The following SYT1 variants were observed in gnomAD, a reference collection of about 807,000 sequenced individuals.
The protein encoded by SYT1 is synaptotagmin-1.
Under a neutral mutation model 44.8 loss-of-function variants are expected in SYT1, and 8 were observed. The ratio of observed to expected loss-of-function variants is 0.18; its 90% CI spans 0.10 to 0.32. The LOEUF (loss-of-function observed/expected upper bound fraction) is 0.32, where lower values mean the gene tolerates loss of function less well. Among genes scored for constraint, SYT1 ranks in the 10% least tolerant of loss-of-function variants. The pLI is 1.00. For synonymous variants in SYT1, 154 were observed against 188.8 expected, an observed-to-expected ratio of 0.82 and a Z score of 1.51; for missense variants, 286 against 509.3, an observed-to-expected ratio of 0.56 and a Z score of 4.22.
intron 2 of SYT1, among the ~76,000 whole-genome samples, chr12:78,986,490 T>A (rs1869649970): frequency 6.6e-6 from 1 of 151,938 alleles, no homozygotes; most frequent in Non-Finnish European, 1.5e-5. Flanking sequence ...TGCCTTTTAT[T>A]TACACTTCAG....
chr12:79,384,127 C>T (rs1013653854), intron 9 of SYT1, among the ~76,000 whole-genome samples: 6 of 152,022 alleles, frequency 3.9e-5, no homozygotes, highest in Non-Finnish European at 7.4e-5. Flanking sequence ...GCAAATTCTC[C>T]ACATGCATCA....
At chr12:79,265,821 C>T (rs1052820734) in intron 4 of SYT1, among the ~76,000 whole-genome samples, 10 of 152,092 alleles carry the variant, frequency 6.6e-5, no homozygotes, top group Non-Finnish European at 1.0e-4. Flanking sequence ...GCAAGTGCTG[C>T]ATGCAAGAAG....
chr12:79,200,702 A>T lies in SYT1; in HGVS notation c.-17-16801A>T, dbSNP rs142087258. ...CAGTCAACACTTTCATTCAGAGAAG[A>T]AGTAACTGGGGAAAGAGATTTGCCC... is the stretch of plus-strand genomic sequence containing the variant. On this transcript the variant is annotated intron_variant, in intron 3 of 10. Transcript: ENST00000261205. Among the ~76,000 whole-genome samples, 1,219 of 152,288 alleles carry T rather than the reference A, an allele frequency of 8.0e-3. 15 individuals carry two copies. Among genetic ancestry groups the T allele is most frequent in the African/African-American group, 0.028 (1,158 of 41,558 alleles).
chr12:79,304,955 A>G (rs1298966456), intron 8 of SYT1, among the ~76,000 whole-genome samples: 1 of 152,126 alleles, frequency 6.6e-6, no homozygotes, highest in East Asian at 1.9e-4. Context: ...TTTTTACAGT[A>G]TCTTGGGTCA....
At chr12:79,277,765 G>T (rs951572629) in intron 4 of SYT1, among the ~76,000 whole-genome samples, 2 of 151,938 alleles carry the variant, frequency 1.3e-5, no homozygotes, top group Non-Finnish European at 2.9e-5. Context: ...CCTCCTTCAA[G>T]AGACCAACTT....
At chr12:79,294,216 AT>A (rs1389228845) in intron 6 of SYT1, among the ~76,000 whole-genome samples, 3 of 152,074 alleles carry the variant, frequency 2.0e-5, no homozygotes, top group African/African-American at 7.2e-5. Flanking sequence ...AAAATAAATA[AT>A]AACACTGAGA....
intron 3 of SYT1, among the ~76,000 whole-genome samples, chr12:79,078,863 T>A (rs1876841448): frequency 6.6e-6 from 1 of 152,190 alleles, no homozygotes; most frequent in Non-Finnish European, 1.5e-5. Context: ...TACATACTGT[T>A]TGCCCCTGGA....
chr12:78,952,311 T>C (rs1222232279), intron 1 of SYT1, among the ~76,000 whole-genome samples: 2 of 152,130 alleles, frequency 1.3e-5, no homozygotes, highest in Non-Finnish European at 2.9e-5. Context: ...GCAGGTGGTT[T>C]AAAAACAAAG....
chr12:79,185,898 A>T (rs1872775305), intron 3 of SYT1, among the ~76,000 whole-genome samples: 1 of 130,316 alleles, frequency 7.7e-6, no homozygotes, highest in Non-Finnish European at 1.7e-5. Flanking sequence ...TGGCCAAAAA[A>T]ATATTTAAAT....
rs532485275 is a variant in SYT1 at position 79,450,241 on chromosome 12, G to T, written c.*1117G>T. ...GCTTATTACACAAAATTACTTTGTG[G>T]TAAACAGACAGTATTGTAATCCCAT... On this transcript the variant is annotated 3_prime_UTR_variant, in exon 11 of 11. Coordinates refer to ENST00000261205, the MANE Select transcript of SYT1 (RefSeq NM_005639.3). 3 of 152,392 alleles carry T rather than the reference G, an allele frequency of 2.0e-5. No individual in the cohort carries two copies. The highest frequency in any genetic ancestry group is 4.4e-5 in the Non-Finnish European group (3 of 67,992). The allele number at this position is 152,392 out of a possible 1,614,324, so 9.4% of individuals were successfully genotyped here.
intron 1 of SYT1, among the ~76,000 whole-genome samples, chr12:78,913,483 T>C (rs1262493782): frequency 6.6e-6 from 1 of 151,758 alleles, no homozygotes; most frequent in East Asian, 1.9e-4. Flanking sequence ...TGATTTAAAA[T>C]CCATACATGC....
chr12:79,051,156 T>C (rs1874454930), intron 3 of SYT1, among the ~76,000 whole-genome samples: 1 of 151,824 alleles, frequency 6.6e-6, no homozygotes, highest in African/African-American at 2.4e-5. Flanking sequence ...AAAAAAACTC[T>C]TCTCCAAATT....
At chr12:78,942,687 G>T (rs12819812) in intron 1 of SYT1, among the ~76,000 whole-genome samples, 65 of 152,298 alleles carry the variant, frequency 4.3e-4, no homozygotes, top group Admixed American at 7.2e-4. Flanking sequence ...TAGGGTATTA[G>T]TTCAGTCTCT....
chr12:79,392,719 T>C (rs2136097357), intron 9 of SYT1: 1 of 151,906 alleles, frequency 6.6e-6, no homozygotes, highest in Non-Finnish European at 1.5e-5. Context: ...AAACTGAGTA[T>C]ATGTATTGTA....
chr12:78,959,785 G>A (rs913977105), intron 1 of SYT1, among the ~76,000 whole-genome samples: 1 of 152,106 alleles, frequency 6.6e-6, no homozygotes, highest in Non-Finnish European at 1.5e-5. Context: ...GGAGGAACTC[G>A]GTGGAAAAGT....
chr12:79,142,468 A>G (rs1869618207), intron 3 of SYT1, among the ~76,000 whole-genome samples: 1 of 152,222 alleles, frequency 6.6e-6, no homozygotes. Flanking sequence ...AAATGTGACC[A>G]TAAAAAGATG....
At chr12:79,187,266 T>A (rs1872856437) in intron 3 of SYT1, among the ~76,000 whole-genome samples, 1 of 152,064 alleles carries the variant, frequency 6.6e-6, no homozygotes, top group African/African-American at 2.4e-5. Context: ...AAATAGCTTT[T>A]TAAAAGTCAT....
At chr12:79,246,944 G>A (rs146859260) in intron 4 of SYT1, among the ~76,000 whole-genome samples, 3 of 152,302 alleles carry the variant, frequency 2.0e-5, no homozygotes, top group African/African-American at 7.2e-5. Context: ...TCAGTATAAG[G>A]TTGACAGAGC....
At chr12:79,083,134 T>G (rs998614941) in intron 3 of SYT1, among the ~76,000 whole-genome samples, 13 of 151,962 alleles carry the variant, frequency 8.6e-5, no homozygotes, top group African/African-American at 2.9e-4. Flanking sequence ...CATCAGATAT[T>G]TCATTGAGGA....
Sources: gnomAD v4.1 joint callset for allele counts (sites outside exome capture counted in the v4.1 genomes callset) on GRCh38, gnomAD v4.1.1 for gene constraint, MANE v1.5 for transcripts, NCBI Gene and HGNC (gene_info 2026-07-23, HGNC 2026-07-21) for gene names.